Variants in GPD1L observed in about 807,000 individuals in gnomAD.
GPD1L encodes glycerol-3-phosphate dehydrogenase 1 like.
A neutral mutation model predicts 32.9 loss-of-function variants in GPD1L; 17 were observed. That is an observed-to-expected ratio of 0.52 (90% CI 0.35 to 0.78). GPD1L has a LOEUF of 0.78. Ranked by LOEUF, GPD1L falls within the 30% of genes least tolerant of loss-of-function variation. GPD1L has a pLI of 0.01. For missense variants in GPD1L, 361 were observed against 447.8 expected (o/e 0.81, Z 1.75); for synonymous variants, 187 against 165.9 (o/e 1.13, Z -0.98).
In GPD1L at chr3:32,165,881, T is replaced by G. The variant is rs1339927786; in HGVS notation, c.1027T>G (p.Cys343Gly). The stretch of plus-strand genomic sequence containing the variant: ...CAGACCAGTTCAAGAGATGTTGTCT[T>G]GTCTTCAGAGCCATCCAGAGCATAC... ...ESRPVQEMLS[C>G]LQSHPEHT Residue 343 changes from cysteine to glycine, a missense_variant, in exon 8 of 8, where the codon TGT becomes GGT. Transcript: ENST00000282541. The G allele has an allele frequency of 6.2e-6, 10 of 1,603,824 alleles. No individual in the cohort carries two copies. The highest frequency in any genetic ancestry group is 8.5e-6 in the Non-Finnish European group (10 of 1,170,550).
intron 2 of GPD1L, among the ~76,000 whole-genome samples, chr3:32,128,672 A>G (rs951485586): frequency 3.9e-5 from 6 of 152,152 alleles, no homozygotes; most frequent in Non-Finnish European, 7.3e-5. Flanking sequence ...ACCCACCCCA[A>G]TGACTTAAGT....
rs564793166 is a variant in GPD1L, at chr3:32,107,635, G to A, written c.47+877G>A. ...TTAAGAGTGATGATGTCCTTTCAGT[G>A]CTTCTGTTTACCGGTTTTTCTGTGG... On this transcript the variant is annotated intron_variant, in intron 1 of 7. Transcript: ENST00000282541. 2.5e-4 allele frequency among the ~76,000 whole-genome samples: 38 copies of A among 152,240 alleles called. 1 individual carries two copies. In the South Asian group the frequency reaches 7.9e-3, roughly 32 times the overall value.
rs780357018 is a variant in GPD1L at position 32,128,165 on chromosome 3, C to T, written c.137C>T (p.Thr46Ile). The T allele has an allele frequency of 5.0e-6, 8 of 1,610,702 alleles. No homozygotes were observed. Among genetic ancestry groups the T allele is most frequent in the Non-Finnish European group, 6.8e-6 (8 of 1,176,938 alleles). The change falls in exon 2 of 8, where the codon ACA (threonine) becomes ATA (isoleucine). Residue 46 changes from threonine (T) to isoleucine (I), a missense_variant. Coordinates refer to ENST00000282541, the MANE Select transcript of GPD1L (RefSeq NM_015141.4). ...STVKMWVFEE[T>I]VNGRKLTDII... ...GTCAAGATGTGGGTCTTTGAAGAAA[C>T]AGTGAATGGCAGAAAACTGACAGAC...
At chr3:32,150,809 G>A (rs535750829) in intron 5 of GPD1L, among the ~76,000 whole-genome samples, 2 of 152,166 alleles carry the variant, frequency 1.3e-5, no homozygotes, top group Non-Finnish European at 2.9e-5. Context: ...CTCATCAATG[G>A]CTGGACGTCG....
chr3:32,108,049 T>G (rs1700189733), intron 1 of GPD1L, among the ~76,000 whole-genome samples: 1 of 152,206 alleles, frequency 6.6e-6, no homozygotes, highest in Non-Finnish European at 1.5e-5. Flanking sequence ...GCTCCCTGCC[T>G]AAAAACTAAT....
At chr3:32,135,716 G>A (rs1464485330) in intron 2 of GPD1L, among the ~76,000 whole-genome samples, 1 of 152,196 alleles carries the variant, frequency 6.6e-6, no homozygotes, top group South Asian at 2.1e-4. Flanking sequence ...GCCTCCCCAA[G>A]TGCTGGGATT....
In GPD1L at chr3:32,165,720, C is replaced by G. The variant is rs534441510; in HGVS notation, c.960-94C>G. The G allele has an allele frequency of 1.5e-4, 111 of 744,258 alleles. 1 individual carries two copies. In the East Asian group the frequency reaches 1.8e-3, roughly 12 times the overall value. 46.1% of individuals were successfully genotyped at this position (744,258 alleles called of 1,614,324 possible). A position where few individuals can be genotyped will look rare whatever the true frequency, so the allele number is the denominator to read the frequency against. ...TCACTGTGTTTTCCATAGTCACATACTAACCTGCAATCTGTTAGGACAGAA... is the reference window on the plus strand; with the variant it reads ...TCACTGTGTTTTCCATAGTCACATAGTAACCTGCAATCTGTTAGGACAGAA... On this transcript the variant is annotated intron_variant, in intron 7 of 7. Transcript: ENST00000282541.
chr3:32,115,962 G>A (rs1228629692), intron 1 of GPD1L, among the ~76,000 whole-genome samples: 1 of 151,534 alleles, frequency 6.6e-6, no homozygotes, highest in Admixed American at 6.6e-5. Context: ...TAATTTTTTT[G>A]TATTTTTAGT....
intron 5 of GPD1L, chr3:32,151,047 C>G (rs1420503338): frequency 3.4e-6 from 1 of 297,024 alleles, no homozygotes; most frequent in Non-Finnish European, 6.9e-6. Flanking sequence ...GGGTTACATG[C>G]GTGAGCCATC....
intron 1 of GPD1L, among the ~76,000 whole-genome samples, chr3:32,123,791 A>AAGAT (rs564716825): frequency 0.13 from 16,168 of 126,822 alleles, 1,179 homozygotes; most frequent in East Asian, 0.23. Context: ...CAGGAATTGA[A>AAGAT]AGATAGATAG....
intron 1 of GPD1L, among the ~76,000 whole-genome samples, chr3:32,124,312 G>A (rs1413775917): frequency 6.6e-6 from 1 of 152,112 alleles, no homozygotes; most frequent in African/African-American, 2.4e-5. Flanking sequence ...TGATCCACCC[G>A]CCTCGGCCTC....
chr3:32,122,052 A>G (rs1271530827), intron 1 of GPD1L, among the ~76,000 whole-genome samples: 1 of 152,136 alleles, frequency 6.6e-6, no homozygotes, highest in Non-Finnish European at 1.5e-5. Context: ...TACAGGCGTG[A>G]GCCACCGTGC....
At chr3:32,156,931 C>T (rs145925214) in intron 5 of GPD1L, among the ~76,000 whole-genome samples, 7 of 127,376 alleles carry the variant, frequency 5.5e-5, no homozygotes, top group Admixed American at 3.0e-4. Flanking sequence ...AAATCTCCCA[C>T]GGCTCTCTGT....
chr3:32,165,721 T>G, intron 7 of GPD1L, 93 bp from the exon 8 acceptor site: 1 of 745,698 alleles, frequency 1.3e-6, no homozygotes, highest in Middle Eastern at 2.4e-4. Flanking sequence ...AGTCACATAC[T>G]AACCTGCAAT....
At chr3:32,133,929 T>C (rs1700622380) in intron 2 of GPD1L, among the ~76,000 whole-genome samples, 1 of 152,238 alleles carries the variant, frequency 6.6e-6, no homozygotes, top group Non-Finnish European at 1.5e-5. Context: ...TTTATTAACT[T>C]AGACTAAGAG....
At chr3:32,141,202 C>T (rs141834719) in intron 4 of GPD1L, among the ~76,000 whole-genome samples, 203 of 152,210 alleles carry the variant, frequency 1.3e-3, no homozygotes, top group African/African-American at 4.7e-3. Context: ...GAGATGAATG[C>T]GCAGGAAAAT....
chr3:32,111,572 A>G (rs1419782818), intron 1 of GPD1L, among the ~76,000 whole-genome samples: 1 of 152,168 alleles, frequency 6.6e-6, no homozygotes, highest in Non-Finnish European at 1.5e-5. Flanking sequence ...TGGACCTGTC[A>G]TTAAGTCACA....
intron 1 of GPD1L, among the ~76,000 whole-genome samples, chr3:32,116,207 G>A (rs1379028617): frequency 6.6e-6 from 1 of 152,092 alleles, no homozygotes; most frequent in Non-Finnish European, 1.5e-5. Flanking sequence ...TTCTGCATGT[G>A]CAAACACTTT....
In GPD1L at chr3:32,165,862, A is replaced by G. The variant is rs758346464; in HGVS notation, c.1008A>G (p.Pro336=). The change falls in exon 8 of 8, where the codon CCA becomes CCG. Residue 336 remains proline (P), a synonymous_variant. Transcript: ENST00000282541. Reference sequence around the variant, plus strand: ...ATCAGATCTGCTACGAAAGCAGACCAGTTCAAGAGATGTTGTCTTGTCTTC... The same window carrying G: ...ATCAGATCTGCTACGAAAGCAGACCGGTTCAAGAGATGTTGTCTTGTCTTC... ...AVYQICYESR[P]VQEMLSCLQS... 3 of 1,609,610 alleles carry G rather than the reference A, an allele frequency of 1.9e-6. No homozygotes were observed. Among genetic ancestry groups the G allele is most frequent in the Non-Finnish European group, 2.6e-6 (3 of 1,175,820 alleles).
Sources: gnomAD v4.1 joint callset for allele counts (sites outside exome capture counted in the v4.1 genomes callset) on GRCh38, gnomAD v4.1.1 for gene constraint, MANE v1.5 for transcripts, NCBI Gene and HGNC (gene_info 2026-07-23, HGNC 2026-07-21) for gene names.